The following GPR35 variants were observed in gnomAD, a reference collection of about 807,000 sequenced individuals.
GPR35 encodes G protein-coupled receptor 35.
For synonymous variants in GPR35, 207 were observed against 198.4 expected (o/e 1.04, Z -0.36); for missense variants, 372 against 422.5 (o/e 0.88, Z 1.05).
Position 240,630,246 on chromosome 2 carries a change from C to T in GPR35, c.294C>T (p.Thr98=). The T allele has an allele frequency of 1.3e-6, 2 of 1,563,724 alleles. No homozygotes were observed. The highest frequency in any genetic ancestry group is 1.7e-6 in the Non-Finnish European group (2 of 1,157,792). Residue 98 remains threonine (T), a synonymous_variant, in exon 2 of 2, where the codon ACC becomes ACT. Transcript: ENST00000407714. ...LCQLSQGIYL[T]NRYMSISLVT... is the part of the protein sequence containing the mutation. ...AGCTCTCCCAGGGCATCTACCTGAC[C>T]AACAGGTACATGAGCATCAGCCTGG... is the stretch of plus-strand genomic sequence containing the variant.
At chr2:240,622,004 C>T (rs576955361), upstream of GPR35, among the ~76,000 whole-genome samples, 2 of 152,020 alleles carry the variant, frequency 1.3e-5, no homozygotes, top group South Asian at 4.2e-4. Context: ...TCCTGAGTAG[C>T]TGGGATTACA....
intron 2 of GPR35, chr2:240,606,671 G>C (rs1272293172): frequency 6.6e-6 from 1 of 152,264 alleles, no homozygotes; most frequent in African/African-American, 2.4e-5. Flanking sequence ...GGCAGGGGGG[G>C]TATTCCTTGA....
At chr2:240,618,516 C>G (rs146929875) in intron 4 of GPR35, among the ~76,000 whole-genome samples, 1 of 152,100 alleles carries the variant, frequency 6.6e-6, no homozygotes, top group Non-Finnish European at 1.5e-5. Flanking sequence ...TATTGTCAAC[C>G]CATAATGCAA....
upstream of GPR35, among the ~76,000 whole-genome samples, chr2:240,622,106 C>T (rs1015602812): frequency 2.0e-5 from 3 of 151,830 alleles, no homozygotes; most frequent in Admixed American, 2.0e-4. Context: ...TCTCAAACTT[C>T]TGGGCTCAAG....
In GPR35 at chr2:240,630,888, G is replaced by C; in HGVS notation, c.*6G>C. 6.2e-7 allele frequency: 1 copy of C among 1,605,154 alleles called. No individual in the cohort carries two copies. The highest frequency in any genetic ancestry group is 8.5e-7 in the Non-Finnish European group (1 of 1,173,906). ...TGTGCGTGACCCTCGCCTAAGAGGC[G>C]TGCTGTGGGCGCTGTGGGCCAGGTC... On this transcript the variant is annotated 3_prime_UTR_variant, in exon 2 of 2. Transcript: ENST00000407714.
At chr2:240,622,039 ATTT>A (rs34528477), upstream of GPR35, among the ~76,000 whole-genome samples, 3 of 145,722 alleles carry the variant, frequency 2.1e-5, no homozygotes, top group Admixed American at 6.8e-5. Context: ...TGCGTGGCTG[ATTT>A]TTTTTTTTTT....
At chr2:240,616,741 T>TAAAAAAAAAAAAAAA (rs767683322) in intron 3 of GPR35, among the ~76,000 whole-genome samples, 1 of 99,946 alleles carries the variant, frequency 1.0e-5, no homozygotes. Flanking sequence ...AACAATACAG[T>TAAAAAAAAAAAAAAA]AAAAAAAAAA....
chr2:240,612,426 CAAAA>C (rs5839796), intron 2 of GPR35, among the ~76,000 whole-genome samples: 17 of 76,698 alleles, frequency 2.2e-4, no homozygotes, highest in Admixed American at 2.6e-4. Context: ...GACTCTGTCT[CAAAA>C]AAAAAAAAAA....
chr2:240,630,998 A>T lies in GPR35; in HGVS notation c.*116A>T. On this transcript the variant is annotated 3_prime_UTR_variant, in exon 2 of 2. Transcript: ENST00000407714. ...GAGATCAGCCCTGAACTCACTGTGT[A>T]TTCTCTTGGAGCCTTGGGTGGGCAG... The T allele has an allele frequency of 1.2e-6, 1 of 844,470 alleles. No homozygotes were observed. Among genetic ancestry groups the T allele is most frequent in the Non-Finnish European group, 1.9e-6 (1 of 529,266 alleles). The allele number at this position is 844,470 out of a possible 1,614,324, so 52.3% of individuals were successfully genotyped here. A position where few individuals can be genotyped will look rare whatever the true frequency, so the allele number is the denominator to read the frequency against.
intron 2 of GPR35, among the ~76,000 whole-genome samples, chr2:240,607,819 CT>C (rs1422153545): frequency 2.0e-5 from 3 of 151,786 alleles, no homozygotes; most frequent in Admixed American, 1.3e-4. Flanking sequence ...TTAGGATTTT[CT>C]TTTTCTTCTT....
chr2:240,630,830 C>G lies in GPR35; in HGVS notation c.878C>G (p.Pro293Arg), dbSNP rs1302707317. Residue 293 changes from proline (P) to arginine (R), a missense_variant, in exon 2 of 2, where the codon CCC becomes CGC. Pro to Arg is a moderately radical substitution (Grantham distance 103, BLOSUM62 -2). Coordinates refer to ENST00000407714, the MANE Select transcript of GPR35 (RefSeq NM_005301.5). ...GAGGCGTCTGCACTGGCCGTGGCTC[C>G]CAGTGCTAAGGCCCACAAAAGCCAG... ...FQEASALAVA[P>R]SAKAHKSQDS... 1 of 1,613,134 alleles carries G rather than the reference C, an allele frequency of 6.2e-7. No individual in the cohort carries two copies. The highest frequency in any genetic ancestry group is 8.5e-7 in the Non-Finnish European group (1 of 1,180,020).
At chr2:240,613,614 C>G (rs927270696) in intron 2 of GPR35, among the ~76,000 whole-genome samples, 2 of 152,110 alleles carry the variant, frequency 1.3e-5, no homozygotes, top group South Asian at 2.1e-4. Flanking sequence ...GAACCTAACT[C>G]GAACCCAAAC....
At chr2:240,616,126 A>C (rs2043234693) in intron 2 of GPR35, among the ~76,000 whole-genome samples, 1 of 152,106 alleles carries the variant, frequency 6.6e-6, no homozygotes, top group Non-Finnish European at 1.5e-5. Flanking sequence ...TAGTGAGATC[A>C]TCTCCCCATC....
chr2:240,623,082 G>A (rs980630093), upstream of GPR35, among the ~76,000 whole-genome samples: 6 of 152,208 alleles, frequency 3.9e-5, no homozygotes, highest in Admixed American at 6.5e-5. Context: ...CGCCGACGAC[G>A]ACTGAGCACC....
rs57267065 is a variant in GPR35, at chr2:240,614,964, TTG to T, written c.-576-1422_-576-1421del. ...TGTGTATGCATGTTTATGTGTGTAT[TTG>T]TATATGTATCTATGTGTGTTTATAT... On this transcript the variant is annotated intron_variant, in intron 2 of 5. Coordinates refer to the GPR35 transcript ENST00000319838. Among the ~76,000 whole-genome samples the T allele has an allele frequency of 6.4e-3, 968 of 152,234 alleles. 13 individuals are homozygous for T. The highest frequency in any genetic ancestry group is 0.023 in the African/African-American group (935 of 41,524).
chr2:240,614,888 ATG>A (rs1219885920), intron 2 of GPR35, among the ~76,000 whole-genome samples: 1 of 151,802 alleles, frequency 6.6e-6, no homozygotes, highest in South Asian at 2.1e-4. Context: ...ATATATGTGT[ATG>A]TGTATATATG....
intron 2 of GPR35, among the ~76,000 whole-genome samples, chr2:240,609,817 T>C (rs1210717886): frequency 6.6e-6 from 1 of 152,252 alleles, no homozygotes; most frequent in African/African-American, 2.4e-5. Flanking sequence ...GGTGTCATAA[T>C]AACCGATCAC....
chr2:240,630,002 C>A lies in GPR35; in HGVS notation c.50C>A (p.Pro17Gln). The A allele has an allele frequency of 1.2e-6, 2 of 1,611,772 alleles. No individual in the cohort carries two copies. The highest frequency in any genetic ancestry group is 1.7e-6 in the Non-Finnish European group (2 of 1,178,892). ...GGCTCCAGCGACCTCACCTGGCCCC[C>A]AGCGATCAAGCTGGGCTTCTACGCC... ...TCGSSDLTWPPAIKLGFYAYL... is the reference protein window; with the variant it reads ...TCGSSDLTWPQAIKLGFYAYL... The change falls in exon 2 of 2, where the codon CCA becomes CAA. Residue 17 changes from proline to glutamine, a missense_variant. By Grantham distance (76) the Pro-to-Gln change is moderately conservative. Coordinates refer to ENST00000407714, the MANE Select transcript of GPR35 (RefSeq NM_005301.5).
At chr2:240,622,171 C>T (rs548009501), upstream of GPR35, among the ~76,000 whole-genome samples, 39 of 152,298 alleles carry the variant, frequency 2.6e-4, no homozygotes, top group East Asian at 5.8e-4. Flanking sequence ...TGAGCCACCG[C>T]GTCCGGCCAA....
Sources: allele counts gnomAD v4.1 joint callset (sites outside exome capture counted in the v4.1 genomes callset), GRCh38; gene constraint gnomAD v4.1.1; transcripts MANE v1.5; gene names NCBI Gene and HGNC (gene_info 2026-07-23, HGNC 2026-07-21).